The following CHRM3 variants were observed in gnomAD, a reference collection of about 807,000 sequenced individuals.
CHRM3 encodes the protein muscarinic acetylcholine receptor M3.
Under a neutral mutation model 41.8 loss-of-function variants are expected in CHRM3, and 11 were observed. The observed-to-expected ratio is 0.26, with a 90% CI of 0.17 to 0.44. The LOEUF (loss-of-function observed/expected upper bound fraction) is 0.44. Among genes scored for constraint, CHRM3 ranks in the 20% least tolerant of loss-of-function variants. The pLI, the probability that CHRM3 is intolerant of heterozygous loss-of-function variation, is 1.00. For synonymous variants in CHRM3, 297 were observed against 301.4 expected (o/e 0.99, Z 0.15); for missense variants, 571 against 745.4 (o/e 0.77, Z 2.72).
intron 1 of CHRM3, among the ~76,000 whole-genome samples, chr1:239,406,082 G>T (rs1015573041): frequency 6.6e-6 from 1 of 152,022 alleles, no homozygotes; most frequent in African/African-American, 2.4e-5. Flanking sequence ...AGTTGAGAAG[G>T]GGTTTCACCA....
At chr1:239,404,378 A>AAGAAAGAAAGAAAGAAAGAAAG (rs1558195229) in intron 1 of CHRM3, among the ~76,000 whole-genome samples, 4 of 73,756 alleles carry the variant, frequency 5.4e-5, no homozygotes, top group African/African-American at 2.2e-4. Flanking sequence ...GAAAGAAAGA[A>AAGAAAGAAAGAAAGAAAGAAAG]AGAAAGAAAG....
At chr1:239,417,436 G>T (rs1661576062) in intron 1 of CHRM3, among the ~76,000 whole-genome samples, 1 of 152,110 alleles carries the variant, frequency 6.6e-6, no homozygotes, top group South Asian at 2.1e-4. Flanking sequence ...TCAGTAGATT[G>T]TCATAGAAGC....
intron 1 of CHRM3, among the ~76,000 whole-genome samples, chr1:239,462,199 A>C: frequency 6.6e-6 from 1 of 152,246 alleles, no homozygotes; most frequent in African/African-American, 2.4e-5. Flanking sequence ...ATATTTACTA[A>C]ATTTGAAAAC....
chr1:239,784,068 C>T (rs1668709892), intron 5 of CHRM3, among the ~76,000 whole-genome samples: 1 of 152,172 alleles, frequency 6.6e-6, no homozygotes, highest in Non-Finnish European at 1.5e-5. Context: ...GCCTAGTATT[C>T]CAAGATTCAT....
intron 3 of CHRM3, among the ~76,000 whole-genome samples, chr1:239,602,090 A>ATATATGTGTG (rs371232279): frequency 1.5e-5 from 2 of 131,230 alleles, no homozygotes; most frequent in East Asian, 4.4e-4. Context: ...ACATATATAC[A>ATATATGTGTG]TGTGTGTGTG....
At chr1:239,507,372 A>G (rs1668643414) in intron 2 of CHRM3, among the ~76,000 whole-genome samples, 2 of 152,318 alleles carry the variant, frequency 1.3e-5, no homozygotes, top group South Asian at 4.1e-4. Flanking sequence ...ATATAAAAAC[A>G]GGAGTTTCCC....
chr1:239,475,088 G>C (rs992294820), intron 1 of CHRM3, among the ~76,000 whole-genome samples: 1 of 151,968 alleles, frequency 6.6e-6, no homozygotes, highest in Non-Finnish European at 1.5e-5. Context: ...TAAGAGGAAG[G>C]TCTGTGAAGA....
intron 3 of CHRM3, among the ~76,000 whole-genome samples, chr1:239,605,608 C>G (rs895053679): frequency 1.6e-4 from 24 of 152,138 alleles, no homozygotes; most frequent in African/African-American, 5.8e-4. Flanking sequence ...TTGAAAATTA[C>G]AGATGTAATT....
At chr1:239,635,208 T>C (rs796909345) in intron 4 of CHRM3, among the ~76,000 whole-genome samples, 8 of 152,340 alleles carry the variant, frequency 5.3e-5, no homozygotes, top group African/African-American at 1.7e-4. Flanking sequence ...ATTCTTACCA[T>C]ACAAAATTAC....
At chr1:239,898,023 T>G (rs1487547282) in intron 6 of CHRM3, 1 of 152,210 alleles carries the variant, frequency 6.6e-6, no homozygotes, top group African/African-American at 2.4e-5. Context: ...AAATTCCCCT[T>G]TTTAAATAGA....
chr1:239,684,313 A>G (rs1658860591), intron 5 of CHRM3, among the ~76,000 whole-genome samples: 1 of 152,128 alleles, frequency 6.6e-6, no homozygotes, highest in Non-Finnish European at 1.5e-5. Flanking sequence ...CCCCACAACA[A>G]AGAATTATCC....
chr1:239,752,879 G>T (rs1490653315), intron 5 of CHRM3, among the ~76,000 whole-genome samples: 2 of 152,100 alleles, frequency 1.3e-5, no homozygotes, highest in East Asian at 3.8e-4. Context: ...AGAAGAATTA[G>T]GGTCAGGGTT....
At chr1:239,451,723 A>G (rs1230340764) in intron 1 of CHRM3, among the ~76,000 whole-genome samples, 1 of 152,194 alleles carries the variant, frequency 6.6e-6, no homozygotes, top group Non-Finnish European at 1.5e-5. Context: ...AAAGGATGGG[A>G]AGAAATTTAT....
At chr1:239,874,297 A>ATATATCTATATACACAG (rs1553291909) in intron 6 of CHRM3, among the ~76,000 whole-genome samples, 4 of 92,202 alleles carry the variant, frequency 4.3e-5, no homozygotes, top group African/African-American at 9.0e-5. Context: ...ATATATATAT[A>ATATATCTATATACACAG]TATATATATA....
In CHRM3 at chr1:239,845,319, T is replaced by A. The variant is rs972394117; in HGVS notation, c.-20+17941T>A. Among the ~76,000 whole-genome samples the A allele has an allele frequency of 2.0e-5, 3 of 152,238 alleles. No homozygotes were observed. The East Asian group carries it at 5.8e-4, about 29-fold the overall frequency. ...TGACATTGTTTTGTTTTCATTTGAT[T>A]TTTACTCTGCTAGGTTTTTATTTTT... On this transcript the variant is annotated intron_variant, in intron 6 of 6. Transcript: ENST00000676153.
rs550568591 is a variant in CHRM3, at chr1:239,830,917, A to G, written c.-20+3539A>G. Among the ~76,000 whole-genome samples, 3 of 152,208 alleles carry G rather than the reference A, an allele frequency of 2.0e-5. No individual in the cohort carries two copies. The East Asian group carries it at 5.8e-4, about 30-fold the overall frequency. Reference sequence around the variant, plus strand: ...CAGTCCTAATTTCAGAACACTTAGTACCAATGGGCTGAGGAGGTGGAAAGT... The same window carrying G: ...CAGTCCTAATTTCAGAACACTTAGTGCCAATGGGCTGAGGAGGTGGAAAGT... On this transcript the variant is annotated intron_variant, in intron 6 of 6. Transcript: ENST00000676153.
At chr1:239,610,254 T>A (rs949746516) in intron 3 of CHRM3, among the ~76,000 whole-genome samples, 1 of 150,884 alleles carries the variant, frequency 6.6e-6, no homozygotes, top group South Asian at 2.1e-4. Flanking sequence ...AATCACCTTT[T>A]TATCCCTAAA....
intron 1 of CHRM3, among the ~76,000 whole-genome samples, chr1:239,431,022 C>G (rs1439985096): frequency 6.6e-6 from 1 of 152,058 alleles, no homozygotes; most frequent in African/African-American, 2.4e-5. Context: ...TTAAACTAAT[C>G]TCTGTGCCCC....
intron 2 of CHRM3, among the ~76,000 whole-genome samples, chr1:239,540,817 A>G (rs1572650800): frequency 6.6e-6 from 1 of 152,200 alleles, no homozygotes; most frequent in African/African-American, 2.4e-5. Context: ...AAAGTATTAT[A>G]TAAGTATAGC....
Sources: allele counts gnomAD v4.1 joint callset (sites outside exome capture counted in the v4.1 genomes callset), GRCh38; gene constraint gnomAD v4.1.1; transcripts MANE v1.5; gene names NCBI Gene and HGNC (gene_info 2026-07-23, HGNC 2026-07-21).